The following COL24A1 variants were observed in gnomAD, a reference collection of about 807,000 sequenced individuals.
COL24A1 encodes collagen type XXIV alpha 1 chain.
In COL24A1, 224 loss-of-function variants were observed where a neutral mutation model predicts 253.9. The ratio of observed to expected loss-of-function variants is 0.88; its 90% confidence interval spans 0.79 to 0.99. COL24A1 has a LOEUF of 0.99. COL24A1 is among the 50% of genes least tolerant of loss of function. The pLI, the probability that COL24A1 is intolerant of heterozygous loss-of-function variation, is 0.00. For synonymous variants in COL24A1, 685 were observed against 673.7 expected (o/e 1.02, Z -0.26); for missense variants, 2,131 against 2,068.5 (o/e 1.03, Z -0.59).
At chr1:86,028,586 G>T (rs965795113) in intron 14 of COL24A1, among the ~76,000 whole-genome samples, 4 of 152,214 alleles carry the variant, frequency 2.6e-5, no homozygotes, top group African/African-American at 9.6e-5. Flanking sequence ...ATGTGGAACT[G>T]TGAGTCAATT....
In COL24A1 at chr1:85,850,851, C is replaced by T. The variant is rs12072843; in HGVS notation, c.3301-1445G>A. Among the ~76,000 whole-genome samples the T allele has an allele frequency of 2.0e-3, 311 of 152,006 alleles. 1 individual carries two copies. The highest frequency in any genetic ancestry group is 7.1e-3 in the African/African-American group (295 of 41,502). ...GATGAAGAGCTCAAAATATGCTAGT[C>T]GTTATTAACTTCTGCTGTTTATTAA... On this transcript the variant is annotated intron_variant, in intron 37 of 59. Coordinates refer to ENST00000370571, the MANE Select transcript of COL24A1 (RefSeq NM_152890.7).
At chr1:85,758,618 A>C (rs554520483) in intron 55 of COL24A1, among the ~76,000 whole-genome samples, 1 of 152,256 alleles carries the variant, frequency 6.6e-6, no homozygotes, top group East Asian at 1.9e-4. Flanking sequence ...ACTTTAGAGA[A>C]CTGAGCAAGT....
In COL24A1 at chr1:85,737,386, A is replaced by AT. The variant is rs2100841482; in HGVS notation, c.4782+9_4782+10insA. 15 of 1,578,362 alleles carry AT rather than the reference A, an allele frequency of 9.5e-6. No individual in the cohort carries two copies. Among genetic ancestry groups the AT allele is most frequent in the Non-Finnish European group, 1.3e-5 (15 of 1,151,880 alleles). ...TATAACGACATGTGTTCTAAAATTC[A>AT]GTAACATACCTTTGTTACAGAAACA... On this transcript the variant is annotated intron_variant, in intron 58 of 59. Coordinates refer to ENST00000370571, the MANE Select transcript of COL24A1 (RefSeq NM_152890.7).
intron 5 of COL24A1, among the ~76,000 whole-genome samples, chr1:86,101,259 T>C (rs1279645888): frequency 6.6e-6 from 1 of 152,148 alleles, no homozygotes; most frequent in Non-Finnish European, 1.5e-5. Flanking sequence ...TTGTTGAAGT[T>C]GTATATCAGC....
At chr1:86,063,307 T>C (rs1318006604) in intron 8 of COL24A1, among the ~76,000 whole-genome samples, 1 of 152,022 alleles carries the variant, frequency 6.6e-6, no homozygotes, top group Non-Finnish European at 1.5e-5. Flanking sequence ...GATTAGGCTT[T>C]AGTGAACTGG....
At position 86,045,841 on chromosome 1, in the gene COL24A1, G is replaced by A. The variant is rs565512143; in HGVS notation, c.1950+984C>T. 1.9e-3 allele frequency: 852 copies of A among 439,660 alleles called. 10 individuals are homozygous for A. The highest frequency in any genetic ancestry group is 0.014 in the South Asian group (822 of 60,398). The allele number at this position is 439,660 out of a possible 1,614,324, so 27.2% of individuals were successfully genotyped here. A position where few individuals can be genotyped will look rare whatever the true frequency, so the allele number is the denominator to read the frequency against. On this transcript the variant is annotated intron_variant, in intron 12 of 59. Coordinates refer to ENST00000370571, the MANE Select transcript of COL24A1 (RefSeq NM_152890.7). ...CTTTAAAATAACTGTATCTCATTTT[G>A]GCCAGACGTCATGAAGAAACAATTC... is the stretch of plus-strand genomic sequence containing the variant.
chr1:85,901,847 A>AAAAAC, intron 28 of COL24A1, among the ~76,000 whole-genome samples: 1 of 148,066 alleles, frequency 6.8e-6, no homozygotes, highest in African/African-American at 2.5e-5. Flanking sequence ...AAAAAAAAAA[A>AAAAAC]AAGAACTACC....
intron 24 of COL24A1, among the ~76,000 whole-genome samples, chr1:85,940,122 G>GATATATTCAGCCATTTATTTA (rs1571301581): frequency 4.5e-5 from 4 of 88,146 alleles, no homozygotes; most frequent in East Asian, 4.5e-4. Flanking sequence ...AGTGCCATAA[G>GATATATTCAGCCATTTATTTA]GGCCGGGCGC....
intron 24 of COL24A1, among the ~76,000 whole-genome samples, chr1:85,959,507 T>C (rs886222341): frequency 3.3e-5 from 5 of 152,178 alleles, no homozygotes; most frequent in Admixed American, 1.3e-4. Flanking sequence ...CAGTAATTTA[T>C]TAGCTATGTA....
At chr1:85,791,596 C>T (rs1427413984) in intron 47 of COL24A1, among the ~76,000 whole-genome samples, 1 of 152,016 alleles carries the variant, frequency 6.6e-6, no homozygotes, top group Non-Finnish European at 1.5e-5. Flanking sequence ...GATTAATCTA[C>T]AAGGAAATGA....
chr1:86,089,478 C>T (rs1703325940), intron 6 of COL24A1, among the ~76,000 whole-genome samples: 2 of 152,142 alleles, frequency 1.3e-5, no homozygotes, highest in African/African-American at 4.8e-5. Context: ...TGTAATAATG[C>T]CCTTGCTGTC....
chr1:86,105,083 T>C (rs1057365151), intron 5 of COL24A1, among the ~76,000 whole-genome samples: 1 of 152,138 alleles, frequency 6.6e-6, no homozygotes, highest in African/African-American at 2.4e-5. Context: ...GAGGGTCCAC[T>C]GTTCTTTGTG....
At chr1:85,944,645 T>A (rs923012498) in intron 24 of COL24A1, among the ~76,000 whole-genome samples, 16 of 151,976 alleles carry the variant, frequency 1.1e-4, no homozygotes, top group African/African-American at 3.6e-4. Context: ...ATGTGCACAA[T>A]GTGCAGGTTA....
At position 86,134,479 on chromosome 1, in the gene COL24A1, G is replaced by A. The variant is rs1344469934; in HGVS notation, c.122-8265C>T. Among the ~76,000 whole-genome samples the A allele has an allele frequency of 1.1e-4, 16 of 141,468 alleles. 1 individual carries two copies. The highest frequency in any genetic ancestry group is 7.1e-5 in the Admixed American group (1 of 14,044). The allele number at this position is 141,468 out of a possible 152,430, so 92.8% of individuals were successfully genotyped here. On this transcript the variant is annotated intron_variant, in intron 2 of 59. Transcript: ENST00000370571. ...TAGATCTTTCCTGCTTTCTCTTGTG[G>A]GCATTTAGTGCTATAAATTTCCCTC...
At chr1:85,863,156 A>ACAT (rs1558435945) in intron 37 of COL24A1, among the ~76,000 whole-genome samples, 1 of 152,184 alleles carries the variant, frequency 6.6e-6, no homozygotes, top group East Asian at 1.9e-4. Context: ...TGATTTTTGC[A>ACAT]CATTGATTTT....
intron 14 of COL24A1, among the ~76,000 whole-genome samples, chr1:86,031,476 G>C (rs955566205): frequency 6.6e-6 from 1 of 151,904 alleles, no homozygotes; most frequent in Non-Finnish European, 1.5e-5. Flanking sequence ...ACACATTTTT[G>C]CTTGTAACAA....
chr1:85,991,561 A>G (rs1274122229), intron 19 of COL24A1, among the ~76,000 whole-genome samples: 2 of 152,178 alleles, frequency 1.3e-5, no homozygotes, highest in Non-Finnish European at 2.9e-5. Context: ...TTTGTGATAT[A>G]CATTTGTTTT....
intron 34 of COL24A1, 124 bp from the exon 35 acceptor site, chr1:85,874,826 G>T (rs1680949426): frequency 1.0e-6 from 1 of 993,118 alleles, no homozygotes; most frequent in Non-Finnish European, 1.5e-6. Context: ...TCCAAGGCCT[G>T]TTAGGAAATG....
chr1:86,101,365 G>C (rs550756131), intron 5 of COL24A1, among the ~76,000 whole-genome samples: 18 of 152,094 alleles, frequency 1.2e-4, no homozygotes, highest in Admixed American at 1.2e-3. Flanking sequence ...TTCCTATTTG[G>C]GTGCCCTTTA....
Sources: allele counts gnomAD v4.1 joint callset (sites outside exome capture counted in the v4.1 genomes callset), GRCh38; gene constraint gnomAD v4.1.1; transcripts MANE v1.5; gene names NCBI Gene and HGNC (gene_info 2026-07-23, HGNC 2026-07-21).